The following UPP2 variants were observed in gnomAD, a reference collection of about 807,000 sequenced individuals.
The protein encoded by UPP2 is uridine phosphorylase 2.
A neutral mutation model predicts 26.7 loss-of-function variants in UPP2; 23 were observed. The observed-to-expected ratio is 0.86, with a 90% CI of 0.62 to 1.22. The LOEUF (loss-of-function observed/expected upper bound fraction) is 1.22. Among genes scored for constraint, UPP2 ranks in the 50% most tolerant of loss-of-function variants. UPP2 has a pLI of 0.00. For missense variants in UPP2, 387 were observed against 396.7 expected (o/e 0.98, Z 0.21); for synonymous variants, 127 against 141.3 (o/e 0.90, Z 0.72).
intron 3 of UPP2, among the ~76,000 whole-genome samples, chr2:158,033,056 G>A (rs1683947285): frequency 6.6e-6 from 1 of 152,058 alleles, no homozygotes; most frequent in African/African-American, 2.4e-5. Flanking sequence ...ACCCCTAGGA[G>A]GCCAGGGGTC....
At position 158,079,781 on chromosome 2, in the gene UPP2, G is replaced by C. The variant is rs187802115; in HGVS notation, c.148-22259G>C. Among the ~76,000 whole-genome samples, 75 of 152,272 alleles carry C rather than the reference G, an allele frequency of 4.9e-4. No homozygotes were observed. In the East Asian group the frequency reaches 0.013, roughly 25 times the overall value. The stretch of plus-strand genomic sequence containing the variant: ...ATGTTGAATGAGTTCGAGTGAGTCA[G>C]AATTGAGAGAGAGGTAAGTTCTATG... On this transcript the variant is annotated intron_variant, in intron 3 of 9. Transcript: ENST00000605860.
At chr2:158,025,154 A>G (rs1161677746) in intron 3 of UPP2, among the ~76,000 whole-genome samples, 1 of 149,868 alleles carries the variant, frequency 6.7e-6, no homozygotes, top group Non-Finnish European at 1.5e-5. Context: ...GTGAGCTGAG[A>G]TCGTGCCTTT....
chr2:158,043,647 T>C lies in UPP2; in HGVS notation c.147+27761T>C, dbSNP rs112690238. Among the ~76,000 whole-genome samples the C allele has an allele frequency of 4.8e-3, 725 of 152,252 alleles. 6 individuals carry two copies. Among genetic ancestry groups the C allele is most frequent in the African/African-American group, 0.016 (669 of 41,544 alleles). On this transcript the variant is annotated intron_variant, in intron 3 of 9. Coordinates refer to the UPP2 transcript ENST00000605860. ...GGGAGAGGCCAGTCAGGGGAGATAA[T>C]CATTCAAGGGTCTTGTATGTGCTTG...
chr2:158,134,352 A>G (rs1348497831), intron 6 of UPP2, among the ~76,000 whole-genome samples: 1 of 152,224 alleles, frequency 6.6e-6, no homozygotes, highest in Non-Finnish European at 1.5e-5. Flanking sequence ...CTTGGGAATT[A>G]CGGCTAGTTC....
Position 158,117,827 on chromosome 2 carries a change from G to C in UPP2, c.343G>C (p.Gly115Arg). 1 of 1,608,356 alleles carries C rather than the reference G, an allele frequency of 6.2e-7. No homozygotes were observed. The highest frequency in any genetic ancestry group is 8.5e-7 in the Non-Finnish European group (1 of 1,174,816). Residue 115 changes from glycine to arginine, a missense_variant, in exon 4 of 7, where the codon GGC becomes CGC. Physicochemically the swap from Gly to Arg is moderately radical, Grantham distance 125. Transcript: ENST00000005756. Reference protein sequence around the residue: ...KTGPVLAISHGMGIPSISIML... With the variant: ...KTGPVLAISHRMGIPSISIML... Reference sequence around the variant, plus strand: ...GACTTTCTCTTTCTCTCAATAGCACGGCATGGGCATCCCCTCCATTTCTAT... The same window carrying C: ...GACTTTCTCTTTCTCTCAATAGCACCGCATGGGCATCCCCTCCATTTCTAT...
chr2:158,108,402 T>TA (rs1683239218), intron 2 of UPP2, among the ~76,000 whole-genome samples: 1 of 152,062 alleles, frequency 6.6e-6, no homozygotes, highest in African/African-American at 2.4e-5. Context: ...GTTTCTCCGA[T>TA]AAAAAAATAA....
At chr2:158,035,234 T>C (rs1683982248) in intron 3 of UPP2, among the ~76,000 whole-genome samples, 2 of 151,628 alleles carry the variant, frequency 1.3e-5, no homozygotes, top group Non-Finnish European at 1.5e-5. Flanking sequence ...TTCAGCTCAC[T>C]GCAACCTCCG....
intron 6 of UPP2, among the ~76,000 whole-genome samples, chr2:158,133,479 C>T (rs988854698): frequency 5.3e-5 from 8 of 151,978 alleles, no homozygotes; most frequent in Non-Finnish European, 8.8e-5. Context: ...TTTGTAATAA[C>T]GTATAGTGAA....
chr2:158,004,092 C>A (rs1392006128), intron 2 of UPP2, among the ~76,000 whole-genome samples: 2 of 151,910 alleles, frequency 1.3e-5, no homozygotes, highest in Non-Finnish European at 2.9e-5. Context: ...TATTATTATC[C>A]CATGGGAGAA....
chr2:158,115,926 A>C (rs964360214), intron 3 of UPP2, among the ~76,000 whole-genome samples: 1 of 152,200 alleles, frequency 6.6e-6, no homozygotes, highest in Non-Finnish European at 1.5e-5. Context: ...ATAACTCTGA[A>C]GCCATCACAT....
At chr2:158,083,859 T>C (rs1043035225) in intron 3 of UPP2, among the ~76,000 whole-genome samples, 22 of 139,010 alleles carry the variant, frequency 1.6e-4, no homozygotes, top group Admixed American at 1.5e-3. Flanking sequence ...TTTATATATA[T>C]ATGTTTTTTA....
At chr2:158,029,261 C>T (rs557653868) in intron 3 of UPP2, among the ~76,000 whole-genome samples, 60 of 152,208 alleles carry the variant, frequency 3.9e-4, no homozygotes, top group Non-Finnish European at 7.6e-4. Flanking sequence ...AGCAGCACTT[C>T]GTAACTGAGT....
chr2:158,111,399 T>A lies in UPP2; in HGVS notation c.181-3702T>A, dbSNP rs369445263. 1.0e-3 allele frequency among the ~76,000 whole-genome samples: 159 copies of A among 152,286 alleles called. 4 individuals are homozygous for A. The South Asian group carries it at 0.024, about 23-fold the overall frequency. Reference sequence around the variant, plus strand: ...GAAGCCTATTTTGATATTAATATAGTCATTCCAGCATTAGATTAAAGCTTG... The same window carrying A: ...GAAGCCTATTTTGATATTAATATAGACATTCCAGCATTAGATTAAAGCTTG... On this transcript the variant is annotated intron_variant, in intron 2 of 6. Coordinates refer to ENST00000005756, the MANE Select transcript of UPP2 (RefSeq NM_173355.4).
chr2:158,122,947 A>AGG (rs1473918715), intron 5 of UPP2, among the ~76,000 whole-genome samples: 1 of 152,188 alleles, frequency 6.6e-6, no homozygotes, highest in Admixed American at 6.5e-5. Flanking sequence ...GTAGCGTGAA[A>AGG]GAGATAGAGG....
chr2:158,039,255 T>G (rs1684050609), intron 3 of UPP2, among the ~76,000 whole-genome samples: 1 of 152,166 alleles, frequency 6.6e-6, no homozygotes, highest in African/African-American at 2.4e-5. Context: ...AGAAAGGGCT[T>G]TCAACTAAAA....
chr2:158,003,103 G>A lies in UPP2; in HGVS notation c.61+7844G>A, dbSNP rs78158145. On this transcript the variant is annotated intron_variant, in intron 2 of 9. Transcript: ENST00000605860. ...CCACCTCCTCATGGCTATCCCTGAT[G>A]GGCAAGGGAGCTGTCTTTGTCAGGG... 3.3e-5 allele frequency among the ~76,000 whole-genome samples: 5 copies of A among 152,270 alleles called. No homozygotes were observed. In the East Asian group the frequency reaches 9.7e-4, roughly 29 times the overall value.
intron 2 of UPP2, 40 bp from the exon 3 acceptor site, chr2:158,115,061 C>A: frequency 2.0e-6 from 3 of 1,533,052 alleles, no homozygotes; most frequent in Non-Finnish European, 1.7e-6. Flanking sequence ...GGTTCTTATC[C>A]CAGTTACTAT....
intron 3 of UPP2, among the ~76,000 whole-genome samples, chr2:158,062,599 C>T (rs946037633): frequency 6.6e-6 from 1 of 152,110 alleles, no homozygotes; most frequent in Admixed American, 6.6e-5. Context: ...ATGTTTGACC[C>T]AAGGATAGGA....
chr2:158,009,261 AAC>A (rs1453981406), intron 2 of UPP2, among the ~76,000 whole-genome samples: 1 of 152,188 alleles, frequency 6.6e-6, no homozygotes, highest in Non-Finnish European at 1.5e-5. Flanking sequence ...ACTTGAATAC[AAC>A]AGTTTTTCTG....
Sources: allele counts gnomAD v4.1 joint callset (sites outside exome capture counted in the v4.1 genomes callset), GRCh38; gene constraint gnomAD v4.1.1; transcripts MANE v1.5; gene names NCBI Gene and HGNC (gene_info 2026-07-23, HGNC 2026-07-21).